SENP1: variants seen among roughly 807,000 people sequenced by gnomAD.
SENP1 encodes the protein SUMO specific peptidase 1.
Under a neutral mutation model 93.0 loss-of-function variants are expected in SENP1, and 21 were observed. The observed-to-expected ratio is 0.23, with a 90% CI of 0.16 to 0.33. The LOEUF is 0.33. SENP1 is among the 10% of genes least tolerant of loss of function. SENP1 has a pLI of 1.00. For synonymous variants in SENP1, 256 were observed against 259.6 expected (o/e 0.99, Z 0.13); for missense variants, 591 against 758.7 (o/e 0.78, Z 2.60).
At chr12:48,077,178 T>C (rs1412514535) in intron 6 of SENP1, among the ~76,000 whole-genome samples, 1 of 152,226 alleles carries the variant, frequency 6.6e-6, no homozygotes, top group Non-Finnish European at 1.5e-5. Context: ...ATATTTTGAA[T>C]ATCAACCCCT....
At position 48,043,544 on chromosome 12, in the gene SENP1, G is replaced by A. The variant is rs1455799863; in HGVS notation, c.*1778C>T. The stretch of plus-strand genomic sequence containing the variant: ...ATGCCACAGCTTTCTAAAAGAGAAT[G>A]TGAAGGTCCCCAGCAACTCATATAT... On this transcript the variant is annotated 3_prime_UTR_variant, in exon 18 of 18. Coordinates refer to ENST00000549518, the MANE Select transcript of SENP1 (RefSeq NM_001267594.2). The A allele has an allele frequency of 6.6e-6, 1 of 152,552 alleles. No individual in the cohort carries two copies. Among genetic ancestry groups the A allele is most frequent in the Non-Finnish European group, 1.5e-5 (1 of 68,020 alleles). The allele number at this position is 152,552 out of a possible 1,614,324, so 9.4% of individuals were successfully genotyped here.
chr12:48,074,932 C>A, intron 6 of SENP1, 139 bp from the exon 7 acceptor site: 5 of 624,028 alleles, frequency 8.0e-6, no homozygotes, highest in South Asian at 6.1e-5. Context: ...ATGGGCCTAA[C>A]ACAGTGGCTC....
intron 1 of SENP1, among the ~76,000 whole-genome samples, chr12:48,102,749 G>A (rs147803682): frequency 4.7e-4 from 69 of 147,210 alleles, no homozygotes; most frequent in African/African-American, 1.4e-3. Context: ...TTTTCTTGGC[G>A]TACGAGACCA....
At chr12:48,096,307 G>A in intron 4 of SENP1, 36 bp downstream of exon 4, 2 of 1,217,724 alleles carry the variant, frequency 1.6e-6, no homozygotes, top group Non-Finnish European at 2.4e-6. Context: ...AATCCAAAAG[G>A]TATAAAGTCC....
chr12:48,057,252 C>A (rs1942609605), intron 13 of SENP1, among the ~76,000 whole-genome samples: 1 of 144,676 alleles, frequency 6.9e-6, no homozygotes, highest in South Asian at 2.1e-4. Context: ...TTTTTTGAGA[C>A]AAAGTCTCAC....
At chr12:48,067,133 A>G (rs1943361311) in intron 9 of SENP1, among the ~76,000 whole-genome samples, 168 bp from the exon 10 acceptor site, 1 of 152,242 alleles carries the variant, frequency 6.6e-6, no homozygotes. Context: ...ACTAGGAATT[A>G]AGGAGACACA....
At chr12:48,052,094 T>C (rs1941861183) in intron 13 of SENP1, among the ~76,000 whole-genome samples, 1 of 152,192 alleles carries the variant, frequency 6.6e-6, no homozygotes, top group South Asian at 2.1e-4. Flanking sequence ...CTTGTTCCTT[T>C]GAGATTTTAT....
chr12:48,064,994 TG>T, intron 12 of SENP1, 70 bp downstream of exon 12: 1 of 1,172,468 alleles, frequency 8.5e-7, no homozygotes, highest in Non-Finnish European at 1.2e-6. Flanking sequence ...CTTTTATGTT[TG>T]AAACTCATCC....
chr12:48,102,209 G>A (rs1945985904), intron 1 of SENP1, among the ~76,000 whole-genome samples: 1 of 152,096 alleles, frequency 6.6e-6, no homozygotes, highest in South Asian at 2.1e-4. Flanking sequence ...CAGATCACTT[G>A]GCCAAGGAGG....
chr12:48,086,122 T>C (rs1265228693), intron 5 of SENP1, among the ~76,000 whole-genome samples: 1 of 152,178 alleles, frequency 6.6e-6, no homozygotes, highest in African/African-American at 2.4e-5. Context: ...ACTGAATCCA[T>C]AATGACACTA....
chr12:48,102,518 T>C (rs749946124), intron 1 of SENP1, among the ~76,000 whole-genome samples: 10 of 148,690 alleles, frequency 6.7e-5, no homozygotes, highest in Non-Finnish European at 1.0e-4. Context: ...TCGGCACATA[T>C]GGTCTTGGTA....
At chr12:48,102,776 A>G (rs1310008438) in intron 1 of SENP1, among the ~76,000 whole-genome samples, 1 of 143,970 alleles carries the variant, frequency 6.9e-6, no homozygotes, top group Non-Finnish European at 1.5e-5. Flanking sequence ...TGGCCACTGC[A>G]CTCCAGCCTG....
At chr12:48,055,007 T>TGTA (rs374316604) in intron 13 of SENP1, 20 of 224,212 alleles carry the variant, frequency 8.9e-5, no homozygotes, top group African/African-American at 3.7e-4. Flanking sequence ...CCCTCTTGGG[T>TGTA]GTAGGTGTTG....
intron 6 of SENP1, among the ~76,000 whole-genome samples, chr12:48,078,450 T>C (rs1053845657): frequency 1.3e-5 from 2 of 151,236 alleles, no homozygotes; most frequent in African/African-American, 4.9e-5. Context: ...ATTTAATAGT[T>C]TGAACAGTTC....
rs753576688 is a variant in SENP1 at position 48,098,141 on chromosome 12, G to A, written c.5-17C>T. 6.2e-7 allele frequency: 1 copy of A among 1,606,582 alleles called. No individual in the cohort carries two copies. The highest frequency in any genetic ancestry group is 1.1e-5 in the South Asian group (1 of 89,748). On this transcript the variant is annotated splice_polypyrimidine_tract_variant and intron_variant, in intron 2 of 17. Transcript: ENST00000549518. ...CAATATCATCTGGGGAGACAGTCTG[G>A]ATTAGTTCAAGTCACATAATTCTTC...
chr12:48,100,307 T>C (rs1945839985), intron 2 of SENP1, among the ~76,000 whole-genome samples: 2 of 152,188 alleles, frequency 1.3e-5, no homozygotes, highest in African/African-American at 4.8e-5. Flanking sequence ...TTATTTATCA[T>C]TTAGAAGTAG....
At position 48,080,655 on chromosome 12, in the gene SENP1, G is replaced by A. The variant is rs144753999; in HGVS notation, c.552+2936C>T. ...GTAAATTTAGTCCCAGGGTTAAAAA[G>A]TATTATATCCGAATTATTTGTAATA... On this transcript the variant is annotated intron_variant, in intron 6 of 17. Transcript: ENST00000549518. Among the ~76,000 whole-genome samples, 33 of 152,256 alleles carry A rather than the reference G, an allele frequency of 2.2e-4. No individual in the cohort carries two copies. In the East Asian group the frequency reaches 6.0e-3, roughly 28 times the overall value.
chr12:48,076,643 C>G (rs11168388), intron 6 of SENP1, among the ~76,000 whole-genome samples: 13 of 117,618 alleles, frequency 1.1e-4, no homozygotes, highest in East Asian at 2.5e-4. Context: ...GTAGTTTTTG[C>G]TTTTTTTTTT....
At position 48,071,675 on chromosome 12, in the gene SENP1, T is replaced by G; in HGVS notation, c.987A>C (p.Pro329=). The change falls in exon 9 of 18, where the codon CCA becomes CCC. Residue 329 remains proline, a synonymous_variant. Coordinates refer to ENST00000549518, the MANE Select transcript of SENP1 (RefSeq NM_001267594.2). ...CTTTTTCCAAAGTTTACCTGGGAGT[T>G]GGAGTCTGGGAATCTTTCACTTTCA... is the stretch of plus-strand genomic sequence containing the variant. ...ILLKVKDSQT[P]TPSSTFFQAE... 2.5e-6 allele frequency: 4 copies of G among 1,605,008 alleles called. No individual in the cohort carries two copies. Among genetic ancestry groups the G allele is most frequent in the Non-Finnish European group, 3.4e-6 (4 of 1,172,444 alleles).
Sources: gnomAD v4.1 joint callset for allele counts (sites outside exome capture counted in the v4.1 genomes callset) on GRCh38, gnomAD v4.1.1 for gene constraint, MANE v1.5 for transcripts, NCBI Gene and HGNC (gene_info 2026-07-23, HGNC 2026-07-21) for gene names.